Variants in ZNF385D observed in about 807,000 individuals in gnomAD.
ZNF385D encodes the protein zinc finger protein 659.
A neutral mutation model predicts 35.8 loss-of-function variants in ZNF385D; 15 were observed. The ratio of observed to expected loss-of-function variants is 0.42; its 90% CI spans 0.28 to 0.64. The LOEUF (loss-of-function observed/expected upper bound fraction) is 0.64, where lower values mean the gene tolerates loss of function less well. ZNF385D is among the 30% of genes least tolerant of loss of function. ZNF385D has a pLI of 0.23. For missense variants in ZNF385D, 474 were observed against 494.6 expected (o/e 0.96, Z 0.39); for synonymous variants, 212 against 186.8 (o/e 1.13, Z -1.10).
intron 1 of ZNF385D, among the ~76,000 whole-genome samples, chr3:21,735,735 A>T (rs1462892898): frequency 6.6e-6 from 1 of 152,230 alleles, no homozygotes; most frequent in African/African-American, 2.4e-5. Context: ...TGCAAGGCAT[A>T]GTACAAAGAG....
intron 1 of ZNF385D, among the ~76,000 whole-genome samples, chr3:21,681,297 G>GAAA (rs1559513520): frequency 9.9e-4 from 2 of 2,022 alleles, no homozygotes; most frequent in African/African-American, 1.8e-3. Context: ...TATTCCATCA[G>GAAA]TAAAAAAAAA....
chr3:21,995,699 G>T (rs1423673093), intron 3 of ZNF385D, among the ~76,000 whole-genome samples: 2 of 151,750 alleles, frequency 1.3e-5, no homozygotes, highest in South Asian at 2.1e-4. Flanking sequence ...ACAGTGGTAG[G>T]CAGGAGTGGC....
At chr3:21,651,306 A>G (rs1559490039) in intron 2 of ZNF385D, among the ~76,000 whole-genome samples, 2 of 151,292 alleles carry the variant, frequency 1.3e-5, no homozygotes, top group African/African-American at 4.8e-5. Flanking sequence ...AAAAAAAAAA[A>G]AAAAAAAAGG....
intron 2 of ZNF385D, among the ~76,000 whole-genome samples, chr3:22,371,958 G>T (rs556336921): frequency 1.3e-5 from 2 of 152,130 alleles, no homozygotes; most frequent in South Asian, 4.1e-4. Flanking sequence ...AAATGAAAAG[G>T]AAGCAGGAAG....
chr3:22,185,212 A>G (rs1695548747), intron 2 of ZNF385D, among the ~76,000 whole-genome samples: 1 of 152,196 alleles, frequency 6.6e-6, no homozygotes. Context: ...AAATGTATAG[A>G]TCAATAATAA....
intron 3 of ZNF385D, among the ~76,000 whole-genome samples, chr3:21,533,132 A>G (rs993288386): frequency 6.6e-5 from 10 of 152,218 alleles, no homozygotes; most frequent in African/African-American, 2.4e-4. Flanking sequence ...ATGTACTACC[A>G]AACAACGAGT....
chr3:21,526,893 A>G (rs959768733), intron 3 of ZNF385D, among the ~76,000 whole-genome samples: 35 of 152,212 alleles, frequency 2.3e-4, no homozygotes, highest in Admixed American at 1.1e-3. Flanking sequence ...CTTATTTAGT[A>G]CTACTAATAG....
At chr3:21,965,720 T>C (rs72625850) in intron 3 of ZNF385D, among the ~76,000 whole-genome samples, 37,504 of 152,146 alleles carry the variant, frequency 0.25, 5,119 homozygotes, top group East Asian at 0.32. Context: ...ACATTAAATT[T>C]CCTGATGTTG....
chr3:22,078,605 T>C (rs553191115), intron 3 of ZNF385D, among the ~76,000 whole-genome samples: 2 of 152,166 alleles, frequency 1.3e-5, no homozygotes, highest in East Asian at 1.9e-4. Flanking sequence ...AAAGCAGTAA[T>C]GCCTGGTCAC....
intron 3 of ZNF385D, among the ~76,000 whole-genome samples, chr3:21,516,188 A>G (rs2125485454): frequency 6.6e-6 from 1 of 152,302 alleles, no homozygotes; most frequent in Admixed American, 6.5e-5. Context: ...GGAGAGACTA[A>G]TTTGAGTGAT....
intron 1 of ZNF385D, among the ~76,000 whole-genome samples, chr3:21,732,049 T>G (rs1158883315): frequency 0.18 from 14,670 of 81,360 alleles, 3,483 homozygotes; most frequent in East Asian, 0.31. Flanking sequence ...TTTTTTTTTT[T>G]TTTTTTTTTT....
chr3:22,262,935 C>T (rs754426429), intron 2 of ZNF385D, among the ~76,000 whole-genome samples: 30 of 152,024 alleles, frequency 2.0e-4, no homozygotes, highest in Admixed American at 7.9e-4. Flanking sequence ...CTATGAGTCA[C>T]GCTGAGTCCT....
intron 3 of ZNF385D, among the ~76,000 whole-genome samples, chr3:21,940,469 A>G (rs638844): frequency 0.26 from 40,017 of 152,130 alleles, 5,982 homozygotes; most frequent in Admixed American, 0.41. Flanking sequence ...AGCAAATGCA[A>G]TGTTACATCT....
At chr3:21,943,586 TCAA>T (rs1480397252) in intron 3 of ZNF385D, among the ~76,000 whole-genome samples, 1 of 152,024 alleles carries the variant, frequency 6.6e-6, no homozygotes, top group African/African-American at 2.4e-5. Flanking sequence ...CAACATGTAC[TCAA>T]CAAATTATAT....
At chr3:22,074,632 A>G (rs1050498337) in intron 3 of ZNF385D, among the ~76,000 whole-genome samples, 1 of 151,926 alleles carries the variant, frequency 6.6e-6, no homozygotes, top group Non-Finnish European at 1.5e-5. Context: ...ATTCCACAAT[A>G]TAAGAAAAAA....
In ZNF385D at chr3:22,107,026, G is replaced by GTTTTTTT. The variant is rs10676871; in HGVS notation, c.325+61784_325+61790dup. Among the ~76,000 whole-genome samples the GTTTTTTT allele has an allele frequency of 1.7e-4, 20 of 118,828 alleles. 2 individuals are homozygous for GTTTTTTT. The highest frequency in any genetic ancestry group is 4.3e-4 in the Admixed American group (5 of 11,620). 78.0% of individuals were successfully genotyped at this position (118,828 alleles called of 152,430 possible). The stretch of plus-strand genomic sequence containing the variant: ...TTTATGCAAAAACTTTGGAATGAGA[G>GTTTTTTT]TTTTTTTTTTTTTTTTAGACAGAGT... On this transcript the variant is annotated intron_variant, in intron 3 of 5. Coordinates refer to the ZNF385D transcript ENST00000494108.
In ZNF385D at chr3:22,164,427, C is replaced by A. The variant is rs543959408; in HGVS notation, c.325+4390G>T. 2.0e-5 allele frequency among the ~76,000 whole-genome samples: 3 copies of A among 151,720 alleles called. No homozygotes were observed. The South Asian group carries it at 6.3e-4, about 32-fold the overall frequency. On this transcript the variant is annotated intron_variant, in intron 3 of 5. Transcript: ENST00000494108. The stretch of plus-strand genomic sequence containing the variant: ...TATTTTTAGTAGAGACGGGGTTTCA[C>A]CATGTTTGCCAGGATGGTCTCGATC...
At chr3:22,100,965 G>T (rs1392894155) in intron 3 of ZNF385D, among the ~76,000 whole-genome samples, 1 of 151,894 alleles carries the variant, frequency 6.6e-6, no homozygotes. Context: ...ACATTTTATT[G>T]AATATAAATA....
chr3:22,009,843 A>G (rs1696458356), intron 3 of ZNF385D, among the ~76,000 whole-genome samples: 1 of 147,146 alleles, frequency 6.8e-6, no homozygotes, highest in Non-Finnish European at 1.5e-5. Context: ...TTTATTTCTT[A>G]AGAGTAGTTA....
Sources: gnomAD v4.1 joint callset for allele counts (sites outside exome capture counted in the v4.1 genomes callset) on GRCh38, gnomAD v4.1.1 for gene constraint, MANE v1.5 for transcripts, NCBI Gene and HGNC (gene_info 2026-07-23, HGNC 2026-07-21) for gene names.